The following WDR11 variants were observed in gnomAD, a reference collection of about 807,000 sequenced individuals.
The protein encoded by WDR11 is WD repeat-containing protein 11.
In WDR11, 83 loss-of-function variants were observed where a neutral mutation model predicts 151.2. The ratio of observed to expected loss-of-function variants is 0.55; its 90% CI spans 0.46 to 0.66. The LOEUF (loss-of-function observed/expected upper bound fraction) is 0.66, where lower values mean the gene tolerates loss of function less well. WDR11 is among the 30% of genes least tolerant of loss of function. WDR11 has a pLI of 0.00. For missense variants in WDR11, 1,301 were observed against 1,480.9 expected, an observed-to-expected ratio of 0.88 and a Z score of 1.99; for synonymous variants, 484 against 533.1, an observed-to-expected ratio of 0.91 and a Z score of 1.27.
At chr10:120,890,972 T>G (rs1847412090) in intron 19 of WDR11, 85 bp downstream of exon 19, 2 of 1,356,878 alleles carry the variant, frequency 1.5e-6, no homozygotes, top group Admixed American at 3.5e-5. Context: ...AGCTGCTGCT[T>G]CTGTTTCATT....
intron 9 of WDR11, among the ~76,000 whole-genome samples, chr10:120,869,883 G>A (rs772851379): frequency 1.1e-4 from 17 of 152,130 alleles, no homozygotes; most frequent in South Asian, 4.1e-4. Context: ...TCCACCTCCC[G>A]AGTTCAAGCG....
chr10:120,864,021 T>C (rs1462819767), intron 5 of WDR11, among the ~76,000 whole-genome samples: 1 of 152,178 alleles, frequency 6.6e-6, no homozygotes, highest in Non-Finnish European at 1.5e-5. Context: ...TCTTAAGTTT[T>C]CTCTCATATG....
intron 19 of WDR11, among the ~76,000 whole-genome samples, chr10:120,897,671 A>G (rs553479161): frequency 6.6e-6 from 1 of 152,306 alleles, no homozygotes; most frequent in Non-Finnish European, 1.5e-5. Context: ...GGACTCTTCA[A>G]AAATGAAAAG....
At position 120,858,732 on chromosome 10, in the gene WDR11, C is replaced by G; in HGVS notation, c.288C>G (p.Ile96Met). Residue 96 changes from isoleucine (I) to methionine (M), a missense_variant, in exon 3 of 29, where the codon ATC (isoleucine) becomes ATG (methionine). Ile to Met is a conservative substitution (Grantham distance 10). This residue lies in a region of WDR11 where 692 missense variants were observed against 762.5 expected (regional missense o/e 0.91). Coordinates refer to ENST00000263461, the MANE Select transcript of WDR11 (RefSeq NM_018117.12). The part of the protein sequence containing the change: ...LASADVNGKI[I>M]VWDVAAGVAQ... ...CTGCTGATGTCAATGGGAAGATCAT[C>G]GTCTGGGATGTAGCAGCAGGAGTAG... 6.2e-7 allele frequency: 1 copy of G among 1,614,144 alleles called. No individual in the cohort carries two copies. Among genetic ancestry groups the G allele is most frequent in the Non-Finnish European group, 8.5e-7 (1 of 1,180,028 alleles).
At chr10:120,864,344 A>G (rs926511453) in intron 5 of WDR11, among the ~76,000 whole-genome samples, 12 of 152,202 alleles carry the variant, frequency 7.9e-5, no homozygotes, top group African/African-American at 2.9e-4. Context: ...TGTAAAATGA[A>G]AATAGTACAT....
At chr10:120,857,844 T>TG (rs1293312885) in intron 2 of WDR11, among the ~76,000 whole-genome samples, 2 of 152,200 alleles carry the variant, frequency 1.3e-5, no homozygotes, top group Non-Finnish European at 2.9e-5. Flanking sequence ...GACCACATGG[T>TG]GTGCCCTATG....
In WDR11 at chr10:120,908,896, T is replaced by G. The variant is rs1037769864; in HGVS notation, c.*183T>G. On this transcript the variant is annotated 3_prime_UTR_variant, in exon 29 of 29. Coordinates refer to ENST00000263461, the MANE Select transcript of WDR11 (RefSeq NM_018117.12). ...CATCTATGTTGAGAGTAAGTTTGTA[T>G]CCTGCGTTGGTCTCAGAAAGAACGT... is the stretch of plus-strand genomic sequence containing the variant. The G allele has an allele frequency of 3.0e-6, 2 of 662,664 alleles. No homozygotes were observed. Among genetic ancestry groups the G allele is most frequent in the Admixed American group, 5.0e-5 (2 of 39,634 alleles). The allele number at this position is 662,664 out of a possible 1,614,324, so 41.0% of individuals were successfully genotyped here.
chr10:120,875,924 A>T (rs1310712814), intron 11 of WDR11, among the ~76,000 whole-genome samples: 1 of 151,546 alleles, frequency 6.6e-6, no homozygotes, highest in Non-Finnish European at 1.5e-5. Context: ...CTTAGCAAAC[A>T]CATTATCCTG....
chr10:120,865,167 G>T lies in WDR11; in HGVS notation c.834G>T (p.Thr278=), dbSNP rs10886789. The change falls in exon 6 of 29, where the codon ACG becomes ACT. Residue 278 remains threonine (T), a synonymous_variant. Coordinates refer to ENST00000263461, the MANE Select transcript of WDR11 (RefSeq NM_018117.12). ...TCCTTGACCTTGAGGTGAATCAGAC[G>T]GTGGGTGTGATTGCAATAGAACGCA... ...ILILDLEVNQ[T]VGVIAIERTG... 1 of 1,613,570 alleles carries T rather than the reference G, an allele frequency of 6.2e-7. No individual in the cohort carries two copies. Among genetic ancestry groups the T allele is most frequent in the Non-Finnish European group, 8.5e-7 (1 of 1,179,750 alleles).
Position 120,885,842 on chromosome 10 carries a change from G to C in WDR11, c.1877G>C (p.Ser626Thr), listed in dbSNP as rs1429496760. 4 of 1,613,674 alleles carry C rather than the reference G, an allele frequency of 2.5e-6. No individual in the cohort carries two copies. The African/African-American group carries it at 5.3e-5, about 22-fold the overall frequency. Residue 626 changes from serine (S) to threonine (T), a missense_variant, in exon 15 of 29, where the codon AGC (serine) becomes ACC (threonine). Physicochemically the swap from Ser to Thr is moderately conservative, Grantham distance 58. Coordinates refer to ENST00000263461, the MANE Select transcript of WDR11 (RefSeq NM_018117.12). ...LEWSPSHNLK[S>T]LRKKQLATRE... Reference sequence around the variant, plus strand: ...TGGTCACCATCTCACAACTTGAAGAGCCTGAGAAAGAAGCAACTTGCAACT... The same window carrying C: ...TGGTCACCATCTCACAACTTGAAGACCCTGAGAAAGAAGCAACTTGCAACT...
At chr10:120,882,487 C>A (rs1847045923) in intron 13 of WDR11, among the ~76,000 whole-genome samples, 1 of 150,272 alleles carries the variant, frequency 6.7e-6, no homozygotes, top group South Asian at 2.1e-4. Context: ...TATTAGGAAA[C>A]CCATCTGAAC....
Position 120,865,144 on chromosome 10 carries a change from C to T in WDR11, c.811C>T (p.Leu271Phe). The change falls in exon 6 of 29, where the codon CTT becomes TTT. Residue 271 changes from leucine to phenylalanine, a missense_variant. Leu to Phe is a conservative substitution (Grantham distance 22). This residue lies in a region of WDR11 where 692 missense variants were observed against 762.5 expected (regional missense o/e 0.91). Transcript: ENST00000263461. Reference protein sequence around the residue: ...LLLYPREILILDLEVNQTVGV... With the variant: ...LLLYPREILIFDLEVNQTVGV... Reference sequence around the variant, plus strand: ...GCTCTATCCTCGAGAGATTTTAATCCTTGACCTTGAGGTGAATCAGACGGT... The same window carrying T: ...GCTCTATCCTCGAGAGATTTTAATCTTTGACCTTGAGGTGAATCAGACGGT... 1 of 1,613,890 alleles carries T rather than the reference C, an allele frequency of 6.2e-7. No individual in the cohort carries two copies. The highest frequency in any genetic ancestry group is 8.5e-7 in the Non-Finnish European group (1 of 1,179,870).
chr10:120,870,339 A>G (rs1846493079), intron 9 of WDR11, among the ~76,000 whole-genome samples: 1 of 152,150 alleles, frequency 6.6e-6, no homozygotes, highest in African/African-American at 2.4e-5. Context: ...GTATGTATAT[A>G]CTCATGCATA....
At position 120,904,097 on chromosome 10, in the gene WDR11, T is replaced by C. The variant is rs762626322; in HGVS notation, c.2982T>C (p.Tyr994=). The C allele has an allele frequency of 4.3e-6, 7 of 1,613,610 alleles. No individual in the cohort carries two copies. The highest frequency in any genetic ancestry group is 5.9e-6 in the Non-Finnish European group (7 of 1,179,734). The part of the protein sequence containing the change: ...VNLQEVKRST[Y]DHTRKCTDQL... Reference sequence around the variant, plus strand: ...TGCAGGAAGTGAAACGGTCAACTTATGATCATACAAGGAAATGTACAGACC... The same window carrying C: ...TGCAGGAAGTGAAACGGTCAACTTACGATCATACAAGGAAATGTACAGACC... The change falls in exon 24 of 29, where the codon TAT becomes TAC. Residue 994 remains tyrosine, a synonymous_variant. Transcript: ENST00000263461.
At chr10:120,853,018 A>G (rs1302869918) in intron 2 of WDR11, among the ~76,000 whole-genome samples, 1 of 151,840 alleles carries the variant, frequency 6.6e-6, no homozygotes, top group African/African-American at 2.4e-5. Context: ...GTGAGAAAAC[A>G]GAGGAGCTGC....
At chr10:120,856,514 G>A (rs1186097319) in intron 2 of WDR11, among the ~76,000 whole-genome samples, 8 of 143,688 alleles carry the variant, frequency 5.6e-5, no homozygotes, top group African/African-American at 1.6e-4. Flanking sequence ...GGTGGAGGTT[G>A]CAGTGAGCTG....
At chr10:120,875,693 C>T (rs1262837573) in intron 11 of WDR11, among the ~76,000 whole-genome samples, 4 of 151,836 alleles carry the variant, frequency 2.6e-5, no homozygotes, top group African/African-American at 7.3e-5. Flanking sequence ...TTAGTAGAGA[C>T]GGGGTTTCAC....
intron 16 of WDR11, among the ~76,000 whole-genome samples, chr10:120,887,583 A>G (rs1240773524): frequency 6.6e-6 from 1 of 152,202 alleles, no homozygotes; most frequent in Non-Finnish European, 1.5e-5. Context: ...GTTACAATCT[A>G]GATGTTGGCT....
intron 9 of WDR11, among the ~76,000 whole-genome samples, chr10:120,868,223 G>A (rs1475990422): frequency 2.0e-5 from 3 of 152,106 alleles, no homozygotes; most frequent in Non-Finnish European, 4.4e-5. Flanking sequence ...GGAGGCCGAG[G>A]CGGGAGGATC....
Sources: gnomAD v4.1 joint callset for allele counts (sites outside exome capture counted in the v4.1 genomes callset) on GRCh38, gnomAD v4.1.1 for gene constraint, gnomAD v4.1.1 regional missense constraint, MANE v1.5 for transcripts, NCBI Gene and HGNC (gene_info 2026-07-23, HGNC 2026-07-21) for gene names.